Variants in STK10 observed in about 807,000 individuals in gnomAD.
STK10 encodes the protein serine/threonine kinase 10.
A neutral mutation model predicts 113.8 loss-of-function variants in STK10; 78 were observed. That is an observed-to-expected ratio of 0.69 (90% CI 0.57 to 0.83). The LOEUF (loss-of-function observed/expected upper bound fraction) is 0.83, where lower values mean the gene tolerates loss of function less well. STK10 is among the 40% of genes least tolerant of loss of function. The pLI, the probability that STK10 is intolerant of heterozygous loss-of-function variation, is 0.00. For missense variants in STK10, 1,109 were observed against 1,280.1 expected, an observed-to-expected ratio of 0.87 and a Z score of 2.04; for synonymous variants, 465 against 494.7, an observed-to-expected ratio of 0.94 and a Z score of 0.80.
intron 9 of STK10, among the ~76,000 whole-genome samples, chr5:172,092,074 C>T (rs1401844616): frequency 6.6e-6 from 1 of 152,238 alleles, no homozygotes; most frequent in Non-Finnish European, 1.5e-5. Context: ...CCAGCATGCC[C>T]GACTCTCATC....
At chr5:172,103,675 T>C (rs986326309) in intron 7 of STK10, among the ~76,000 whole-genome samples, 1 of 152,128 alleles carries the variant, frequency 6.6e-6, no homozygotes, top group African/African-American at 2.4e-5. Flanking sequence ...AAATACGTTA[T>C]AGAAATGTAA....
chr5:172,109,520 C>T lies in STK10; in HGVS notation c.521-1668G>A, dbSNP rs1030063025. ...AGATGGAGTCTCTATGTTGCCCAGG[C>T]TGGTCTTGAACCCTGGGCTCAAGCA... On this transcript the variant is annotated intron_variant, in intron 4 of 18. Coordinates refer to ENST00000176763, the MANE Select transcript of STK10 (RefSeq NM_005990.4). Among the ~76,000 whole-genome samples, 6 of 151,968 alleles carry T rather than the reference C, an allele frequency of 3.9e-5. No homozygotes were observed. In the South Asian group the frequency reaches 1.2e-3, roughly 32 times the overall value.
At chr5:172,059,434 C>CAAAAAAAAAA (rs58446505) in intron 14 of STK10, among the ~76,000 whole-genome samples, 1 of 57,004 alleles carries the variant, frequency 1.8e-5, no homozygotes, top group African/African-American at 5.4e-5. Context: ...CTCTCCATCT[C>CAAAAAAAAAA]AAAAAAAAAA....
chr5:172,118,252 A>C (rs1319234314), intron 3 of STK10, among the ~76,000 whole-genome samples: 1 of 152,226 alleles, frequency 6.6e-6, no homozygotes, highest in African/African-American at 2.4e-5. Flanking sequence ...GTCTGGCTTT[A>C]GAGTTCAGGT....
intron 1 of STK10, among the ~76,000 whole-genome samples, chr5:172,177,236 C>T (rs1050496686): frequency 9.2e-5 from 14 of 151,918 alleles, no homozygotes; most frequent in Non-Finnish European, 2.1e-4. Flanking sequence ...TATGTGAGGT[C>T]ACAGCGAGAA....
chr5:172,090,474 A>G, intron 9 of STK10, 112 bp from the exon 10 acceptor site: 1 of 1,434,728 alleles, frequency 7.0e-7, no homozygotes, highest in East Asian at 2.3e-5. Flanking sequence ...AACCACCCCC[A>G]GAGAGATGTG....
At chr5:172,149,810 C>T (rs1770173351) in intron 2 of STK10, among the ~76,000 whole-genome samples, 2 of 151,914 alleles carry the variant, frequency 1.3e-5, no homozygotes, top group South Asian at 4.1e-4. Context: ...CTTTGGGAGG[C>T]CGAGGCGGGT....
intron 2 of STK10, among the ~76,000 whole-genome samples, chr5:172,153,267 C>G (rs1770275481): frequency 7.6e-6 from 1 of 131,562 alleles, no homozygotes; most frequent in African/African-American, 3.6e-5. Context: ...GCCTGGGCAA[C>G]AGGAGCAAAA....
rs1476391290 is a variant in STK10, at chr5:172,105,460, T to C, written c.870+196A>G. 5 of 607,142 alleles carry C rather than the reference T, an allele frequency of 8.2e-6. No individual in the cohort carries two copies. The Admixed American group carries it at 1.4e-4, about 17-fold the overall frequency. The allele number at this position is 607,142 out of a possible 1,614,324, so 37.6% of individuals were successfully genotyped here. The stretch of plus-strand genomic sequence containing the variant: ...ACACACGCTCCATGAGGACAAGGTC[T>C]GGGTGGCTTCGTTCCCCAAGGCACT... On this transcript the variant is annotated intron_variant, in intron 7 of 18. Transcript: ENST00000176763.
At chr5:172,087,107 AGTGTGT>A (rs201052929) in intron 10 of STK10, among the ~76,000 whole-genome samples, 5,461 of 128,876 alleles carry the variant, frequency 0.042, 195 homozygotes, top group African/African-American at 0.095. Context: ...AGATGACACC[AGTGTGT>A]GTGTGTGTGT....
At chr5:172,123,851 A>C (rs1561816891) in intron 3 of STK10, among the ~76,000 whole-genome samples, 1 of 152,170 alleles carries the variant, frequency 6.6e-6, no homozygotes, top group Non-Finnish European at 1.5e-5. Context: ...GCAGAAAACC[A>C]GCATGAGAAT....
chr5:172,042,109 A>G lies in STK10; in HGVS notation c.*2773T>C, dbSNP rs145471713. 4.9e-4 allele frequency: 75 copies of G among 152,752 alleles called. 1 individual carries two copies. The highest frequency in any genetic ancestry group is 1.8e-3 in the African/African-American group (73 of 41,582). 9.5% of individuals were successfully genotyped at this position (152,752 alleles called of 1,614,324 possible). A position where few individuals can be genotyped will look rare whatever the true frequency, so the allele number is the denominator to read the frequency against. On this transcript the variant is annotated 3_prime_UTR_variant, in exon 19 of 19. Coordinates refer to ENST00000176763, the MANE Select transcript of STK10 (RefSeq NM_005990.4). ...TTGTTATTTTATTAGAAGCATATTTACATTCTTGTAGTTAACTTTCCAGAG... is the reference window on the plus strand; with the variant it reads ...TTGTTATTTTATTAGAAGCATATTTGCATTCTTGTAGTTAACTTTCCAGAG...
chr5:172,059,088 G>T (rs1767872974), intron 14 of STK10, among the ~76,000 whole-genome samples: 2 of 151,068 alleles, frequency 1.3e-5, no homozygotes, highest in African/African-American at 4.9e-5. Context: ...AAATTAGCTG[G>T]GCATGGTGGC....
At chr5:172,073,732 A>T (rs66946162) in intron 12 of STK10, among the ~76,000 whole-genome samples, 1 of 148,276 alleles carries the variant, frequency 6.7e-6, no homozygotes, top group South Asian at 2.1e-4. Context: ...GGATAATTTG[A>T]GGTCAGAAGT....
At chr5:172,106,994 T>C in intron 5 of STK10, 180 bp from the exon 6 acceptor site, 1 of 406,950 alleles carries the variant, frequency 2.5e-6, no homozygotes, top group South Asian at 2.8e-5. Flanking sequence ...GAAAAACGCC[T>C]CCACGCGGCT....
chr5:172,166,034 C>T (rs868456849), intron 1 of STK10, among the ~76,000 whole-genome samples: 10 of 152,220 alleles, frequency 6.6e-5, no homozygotes, highest in Non-Finnish European at 7.3e-5. Flanking sequence ...CTCAAGTGAT[C>T]CGCCCACCTT....
At chr5:172,116,410 T>C (rs1365146125) in intron 4 of STK10, among the ~76,000 whole-genome samples, 5 of 152,128 alleles carry the variant, frequency 3.3e-5, no homozygotes, top group African/African-American at 1.2e-4. Flanking sequence ...AAATGCATTG[T>C]AGCCATATCA....
At chr5:172,121,294 G>A (rs892434192) in intron 3 of STK10, among the ~76,000 whole-genome samples, 1 of 151,888 alleles carries the variant, frequency 6.6e-6, no homozygotes, top group Non-Finnish European at 1.5e-5. Flanking sequence ...GCCTCCCAAA[G>A]TGCTGGGATT....
At chr5:172,060,642 G>A (rs759953022) in intron 14 of STK10, among the ~76,000 whole-genome samples, 17 of 152,214 alleles carry the variant, frequency 1.1e-4, no homozygotes, top group Non-Finnish European at 2.2e-4. Context: ...AAGCCACCCA[G>A]TCAGTGGTAT....
Sources: allele counts gnomAD v4.1 joint callset (sites outside exome capture counted in the v4.1 genomes callset), GRCh38; gene constraint gnomAD v4.1.1; transcripts MANE v1.5; gene names NCBI Gene and HGNC (gene_info 2026-07-23, HGNC 2026-07-21).